SOS2: variants seen among roughly 807,000 people sequenced by gnomAD.
SOS2 encodes son of sevenless homolog 2.
In SOS2, 65 loss-of-function variants were observed where a neutral mutation model predicts 148.2. That is an observed-to-expected ratio of 0.44 (90% CI 0.36 to 0.54). The LOEUF is 0.54. Ranked by LOEUF, SOS2 falls within the 20% of genes least tolerant of loss-of-function variation. The pLI, the probability that SOS2 is intolerant of heterozygous loss-of-function variation, is 0.00. For missense variants in SOS2, 1,341 were observed against 1,590.2 expected (o/e 0.84, Z 2.67); for synonymous variants, 539 against 537.1 (o/e 1.00, Z -0.05).
intron 1 of SOS2, among the ~76,000 whole-genome samples, chr14:50,220,109 C>G (rs1489232529): frequency 6.6e-6 from 1 of 151,356 alleles, no homozygotes; most frequent in Non-Finnish European, 1.5e-5. Flanking sequence ...AAAGAACAGA[C>G]CCTGCATTGG....
At position 50,231,416 on chromosome 14, in the gene SOS2, G is replaced by A; in HGVS notation, c.-133C>T. On this transcript the variant is annotated 5_prime_UTR_variant, in exon 1 of 23. Coordinates refer to ENST00000216373, the MANE Select transcript of SOS2 (RefSeq NM_006939.4). ...CCCGGGCCGAGGCTACGGCCGAGGCGGCTCGGAGGCGGCGCCGGCGGGCTG... is the reference window on the plus strand; with the variant it reads ...CCCGGGCCGAGGCTACGGCCGAGGCAGCTCGGAGGCGGCGCCGGCGGGCTG... 5.7e-6 allele frequency: 1 copy of A among 176,044 alleles called. No individual in the cohort carries two copies. The highest frequency in any genetic ancestry group is 2.4e-5 in the African/African-American group (1 of 41,550). 10.9% of individuals were successfully genotyped at this position (176,044 alleles called of 1,614,324 possible).
intron 1 of SOS2, among the ~76,000 whole-genome samples, chr14:50,218,881 G>A (rs549433049): frequency 7.2e-5 from 11 of 152,224 alleles, no homozygotes; most frequent in African/African-American, 1.4e-4. Context: ...TTGGGAGGCC[G>A]AGACGAGTGG....
chr14:50,150,989 C>G (rs1372409115), intron 13 of SOS2, among the ~76,000 whole-genome samples: 1 of 151,622 alleles, frequency 6.6e-6, no homozygotes, highest in Non-Finnish European at 1.5e-5. Flanking sequence ...TCTCAAAGTG[C>G]TGGGATTACA....
At chr14:50,178,711 T>TATATACAC (rs1237281191) in intron 7 of SOS2, among the ~76,000 whole-genome samples, 2 of 120,446 alleles carry the variant, frequency 1.7e-5, no homozygotes, top group Non-Finnish European at 3.3e-5. Flanking sequence ...TATATATATA[T>TATATACAC]ACACACATAT....
chr14:50,226,165 A>G (rs1268155845), intron 1 of SOS2, among the ~76,000 whole-genome samples: 1 of 152,208 alleles, frequency 6.6e-6, no homozygotes, highest in East Asian at 1.9e-4. Flanking sequence ...GTCTGCAGCC[A>G]GGCGACGTAG....
At chr14:50,191,231 G>A (rs964420295) in intron 4 of SOS2, among the ~76,000 whole-genome samples, 8 of 152,060 alleles carry the variant, frequency 5.3e-5, no homozygotes, top group African/African-American at 1.2e-4. Flanking sequence ...TTGGGAGGCC[G>A]AGGCAGGAGG....
intron 18 of SOS2, among the ~76,000 whole-genome samples, chr14:50,135,083 AAAAAAAAAAG>A (rs1884029886): frequency 6.7e-6 from 1 of 149,864 alleles, no homozygotes; most frequent in East Asian, 1.9e-4. Context: ...AAAAAAAAAA[AAAAAAAAAAG>A]AAAGAAAGAA....
intron 1 of SOS2, among the ~76,000 whole-genome samples, chr14:50,224,386 G>A (rs1268456144): frequency 6.7e-6 from 1 of 150,008 alleles, no homozygotes; most frequent in Non-Finnish European, 1.5e-5. Flanking sequence ...TGGGCTCTGG[G>A]GAGGTCAGAA....
intron 8 of SOS2, among the ~76,000 whole-genome samples, chr14:50,173,441 A>G (rs952829169): frequency 1.3e-5 from 2 of 150,902 alleles, no homozygotes; most frequent in Admixed American, 1.3e-4. Flanking sequence ...TATTTTTTTG[A>G]GACGGAGTCT....
At chr14:50,141,411 C>G (rs1884279870) in intron 16 of SOS2, among the ~76,000 whole-genome samples, 1 of 151,550 alleles carries the variant, frequency 6.6e-6, no homozygotes, top group Non-Finnish European at 1.5e-5. Flanking sequence ...GTCCCCACTA[C>G]TCAGGAGACT....
intron 1 of SOS2, among the ~76,000 whole-genome samples, chr14:50,214,770 T>G (rs1886992128): frequency 1.4e-5 from 2 of 147,400 alleles, no homozygotes; most frequent in African/African-American, 4.9e-5. Flanking sequence ...GGTCACCAAC[T>G]CCTTGGCTCA....
chr14:50,154,296 A>T (rs1884749383), intron 12 of SOS2, among the ~76,000 whole-genome samples: 1 of 152,218 alleles, frequency 6.6e-6, no homozygotes, highest in African/African-American at 2.4e-5. Flanking sequence ...TCCACAAAAT[A>T]AGTATGAATG....
At chr14:50,150,589 T>C (rs1242426016) in intron 13 of SOS2, among the ~76,000 whole-genome samples, 2 of 150,268 alleles carry the variant, frequency 1.3e-5, no homozygotes, top group Non-Finnish European at 3.0e-5. Flanking sequence ...TGAGACAGGG[T>C]CTTGCTCTGT....
Position 50,172,419 on chromosome 14 carries a change from C to CTTTTTTTTTTTTTTTT in SOS2, c.1068+2034_1068+2035insAAAAAAAAAAAAAAAA, listed in dbSNP as rs768766517. Among the ~76,000 whole-genome samples the CTTTTTTTTTTTTTTTT allele has an allele frequency of 2.7e-3, 227 of 82,728 alleles. 42 individuals are homozygous for CTTTTTTTTTTTTTTTT. Among genetic ancestry groups the CTTTTTTTTTTTTTTTT allele is most frequent in the East Asian group, 5.4e-3 (12 of 2,220 alleles). The allele number at this position is 82,728 out of a possible 152,430, so 54.3% of individuals were successfully genotyped here. On this transcript the variant is annotated intron_variant, in intron 8 of 22. Coordinates refer to ENST00000216373, the MANE Select transcript of SOS2 (RefSeq NM_006939.4). The stretch of plus-strand genomic sequence containing the variant: ...ATGGGTAGTTTCTCTTTATTCATTC[C>CTTTTTTTTTTTTTTTT]TTTTTTTTTTTTTTCTGAGATGGAG...
intron 1 of SOS2, among the ~76,000 whole-genome samples, chr14:50,212,270 T>C (rs1886896956): frequency 6.6e-6 from 1 of 152,144 alleles, no homozygotes; most frequent in Admixed American, 6.5e-5. Context: ...GGTCAAGAGA[T>C]CGAGACCATC....
At chr14:50,167,237 G>C (rs561271986) in intron 8 of SOS2, among the ~76,000 whole-genome samples, 5 of 151,922 alleles carry the variant, frequency 3.3e-5, no homozygotes, top group Non-Finnish European at 5.9e-5. Context: ...CCTCTTTATG[G>C]TCTTTTTTAA....
chr14:50,198,137 A>G (rs1886371643), intron 4 of SOS2, among the ~76,000 whole-genome samples: 1 of 152,152 alleles, frequency 6.6e-6, no homozygotes. Flanking sequence ...GATATGTGAC[A>G]AAACTTGAAT....
At chr14:50,227,673 C>T (rs1198993858) in intron 1 of SOS2, among the ~76,000 whole-genome samples, 4 of 152,292 alleles carry the variant, frequency 2.6e-5, no homozygotes, top group African/African-American at 4.8e-5. Flanking sequence ...GTAATCTGCC[C>T]GCCTTGGCCT....
chr14:50,204,685 T>C (rs1371024647), intron 1 of SOS2, among the ~76,000 whole-genome samples: 1 of 152,186 alleles, frequency 6.6e-6, no homozygotes, highest in Admixed American at 6.5e-5. Context: ...TAAACTATTC[T>C]ATACAATTTC....
Sources: allele counts gnomAD v4.1 joint callset (sites outside exome capture counted in the v4.1 genomes callset), GRCh38; gene constraint gnomAD v4.1.1; transcripts MANE v1.5; gene names NCBI Gene and HGNC (gene_info 2026-07-23, HGNC 2026-07-21).